LRP12: variants seen among roughly 807,000 people sequenced by gnomAD.
The protein encoded by LRP12 is low-density lipoprotein receptor-related protein 12.
In LRP12, 14 loss-of-function variants were observed where a neutral mutation model predicts 66.0. That is an observed-to-expected ratio of 0.21 (90% CI 0.14 to 0.33). LRP12 has a LOEUF of 0.33. LRP12 is among the 10% of genes least tolerant of loss of function. The pLI is 1.00. For missense variants in LRP12, 889 were observed against 1,053.4 expected (o/e 0.84, Z 2.16); for synonymous variants, 357 against 359.1 (o/e 0.99, Z 0.07).
At chr8:104,515,884 A>G (rs1811066149) in intron 2 of LRP12, among the ~76,000 whole-genome samples, 1 of 152,190 alleles carries the variant, frequency 6.6e-6, no homozygotes, top group South Asian at 2.1e-4. Flanking sequence ...TCCTTAATAC[A>G]TCTCTTAATT....
chr8:104,585,373 G>A (rs1270341255), intron 1 of LRP12, among the ~76,000 whole-genome samples: 1 of 152,128 alleles, frequency 6.6e-6, no homozygotes, highest in Admixed American at 6.5e-5. Context: ...TTACAGGCAT[G>A]TACCAGCACA....
At position 104,531,958 on chromosome 8, in the gene LRP12, C is replaced by T. The variant is rs371535322; in HGVS notation, c.85G>A (p.Gly29Ser). The part of the protein sequence containing the change: ...LLFLAGVYGN[G>S]ALAEHSENVH... ...TTTTCAGAATGTTCTGCAAGAGCAC[C>T]ATTTCCTAAAATTAAACATAATGAA... is the stretch of plus-strand genomic sequence containing the variant. The change falls in exon 2 of 7, where the codon GGT becomes AGT. Residue 29 changes from glycine to serine, a missense_variant. This residue lies in a region of LRP12 where 88 missense variants were observed against 72.5 expected (regional missense o/e 1.21). Transcript: ENST00000276654. 65 of 1,583,116 alleles carry T rather than the reference C, an allele frequency of 4.1e-5. No homozygotes were observed. The highest frequency in any genetic ancestry group is 5.2e-5 in the Non-Finnish European group (61 of 1,166,102).
chr8:104,550,577 C>T (rs1811710769), intron 1 of LRP12, among the ~76,000 whole-genome samples: 1 of 152,164 alleles, frequency 6.6e-6, no homozygotes, highest in African/African-American at 2.4e-5. Context: ...CAGCATCTCC[C>T]AGTTGTTCAA....
intron 1 of LRP12, among the ~76,000 whole-genome samples, chr8:104,538,919 A>G (rs1164766993): frequency 2.6e-5 from 4 of 152,192 alleles, no homozygotes; most frequent in Non-Finnish European, 2.9e-5. Context: ...ATTAGGCTTT[A>G]TAGCTCTAAA....
chr8:104,571,438 C>G (rs747606385), intron 1 of LRP12, among the ~76,000 whole-genome samples: 8 of 152,162 alleles, frequency 5.3e-5, no homozygotes, highest in East Asian at 3.9e-4. Flanking sequence ...GTGGAGGTAA[C>G]TGAATCATGG....
At chr8:104,538,258 C>A (rs1266596462) in intron 1 of LRP12, among the ~76,000 whole-genome samples, 2 of 152,144 alleles carry the variant, frequency 1.3e-5, no homozygotes, top group African/African-American at 4.8e-5. Context: ...CAAATAAAAT[C>A]CAATGCCTTG....
chr8:104,564,569 G>A (rs1811965435), intron 1 of LRP12, among the ~76,000 whole-genome samples: 1 of 151,742 alleles, frequency 6.6e-6, no homozygotes, highest in Non-Finnish European at 1.5e-5. Context: ...GTAATCAGGG[G>A]AGATAAGAAA....
intron 1 of LRP12, among the ~76,000 whole-genome samples, chr8:104,572,310 G>T (rs1465611359): frequency 2.0e-5 from 3 of 152,152 alleles, no homozygotes; most frequent in African/African-American, 7.2e-5. Flanking sequence ...GTGATGAACT[G>T]TTCTACATCC....
chr8:104,560,025 G>A (rs1438911574), intron 1 of LRP12, among the ~76,000 whole-genome samples: 1 of 152,082 alleles, frequency 6.6e-6, no homozygotes, highest in African/African-American at 2.4e-5. Context: ...TCAAGGACAC[G>A]ACTAAGACAT....
At chr8:104,553,488 C>T (rs897070164) in intron 1 of LRP12, among the ~76,000 whole-genome samples, 3 of 152,054 alleles carry the variant, frequency 2.0e-5, no homozygotes, top group South Asian at 2.1e-4. Context: ...ACTTCCCTGG[C>T]GACCTGTATG....
chr8:104,564,091 C>A (rs891310489), intron 1 of LRP12, among the ~76,000 whole-genome samples: 3 of 151,852 alleles, frequency 2.0e-5, no homozygotes, highest in Non-Finnish European at 4.4e-5. Context: ...GTAACTACTT[C>A]AAAATATTTC....
rs115192762 is a variant in LRP12, at chr8:104,490,924, T to G, written c.2329A>C (p.Ile777Leu). 343 of 1,614,134 alleles carry G rather than the reference T, an allele frequency of 2.1e-4. 1 individual carries two copies. The African/African-American group carries it at 3.8e-3, about 18-fold the overall frequency. ...TCTGAAGATCCATCAGAAATTGGAATTAGCATTTCAACATCATCATCATCT... is the reference window on the plus strand; with the variant it reads ...TCTGAAGATCCATCAGAAATTGGAAGTAGCATTTCAACATCATCATCATCT... ...REDDDDVEML[I>L]PISDGSSDFD... The change falls in exon 7 of 7, where the codon ATT becomes CTT. Residue 777 changes from isoleucine (I) to leucine (L), a missense_variant. Physicochemically the swap from Ile to Leu is conservative, Grantham distance 5. This residue lies in a region of LRP12 where 800 missense variants were observed against 964.5 expected (regional missense o/e 0.83). Coordinates refer to ENST00000276654, the MANE Select transcript of LRP12 (RefSeq NM_013437.5).
At chr8:104,549,152 A>G (rs1811687982) in intron 1 of LRP12, among the ~76,000 whole-genome samples, 1 of 152,082 alleles carries the variant, frequency 6.6e-6, no homozygotes, top group Non-Finnish European at 1.5e-5. Flanking sequence ...ATTAAAAAAC[A>G]AAAGCAAAAC....
At position 104,497,618 on chromosome 8, in the gene LRP12, C is replaced by G; in HGVS notation, c.934G>C (p.Gly312Arg). 1 of 1,614,046 alleles carries G rather than the reference C, an allele frequency of 6.2e-7. No individual in the cohort carries two copies. The highest frequency in any genetic ancestry group is 8.5e-7 in the Non-Finnish European group (1 of 1,179,982). ...CCATCATATATTTTGACATAATCACCATAACCAGTACCATCAAGTTTAAAG... is the reference window on the plus strand; with the variant it reads ...CCATCATATATTTTGACATAATCACGATAACCAGTACCATCAAGTTTAAAG... ...TDFKLDGTGYGDYVKIYDGLE... is the reference protein window; with the variant it reads ...TDFKLDGTGYRDYVKIYDGLE... Residue 312 changes from glycine (G) to arginine (R), a missense_variant, in exon 5 of 7, where the codon GGT becomes CGT. By Grantham distance (125) the Gly-to-Arg change is moderately radical (BLOSUM62 -2). Around this residue, in one of 3 missense-constraint regions of LRP12, gnomAD observed 800 missense variants for 964.5 expected, o/e 0.83. Coordinates refer to ENST00000276654, the MANE Select transcript of LRP12 (RefSeq NM_013437.5). The surrounding 1 kb of genome is among the most constrained non-coding windows in gnomAD (Gnocchi z 4.3).
chr8:104,568,167 G>A (rs138098484), intron 1 of LRP12, among the ~76,000 whole-genome samples: 6 of 152,232 alleles, frequency 3.9e-5, no homozygotes, highest in African/African-American at 1.2e-4. Context: ...AGGATTAAAT[G>A]GGAGAAAGAC....
At position 104,588,922 on chromosome 8, in the gene LRP12, G is replaced by A. The variant is rs763436757; in HGVS notation, c.-25C>T. 16 of 1,544,260 alleles carry A rather than the reference G, an allele frequency of 1.0e-5. No homozygotes were observed. The highest frequency in any genetic ancestry group is 7.1e-5 in the East Asian group (3 of 42,260). On this transcript the variant is annotated 5_prime_UTR_variant, in exon 1 of 7. Coordinates refer to ENST00000276654, the MANE Select transcript of LRP12 (RefSeq NM_013437.5). Reference sequence around the variant, plus strand: ...TAACCACAGCAGATGGAGAGAGAGAGGAGGAGACGGAGGAGGAGGGAGGAG... The same window carrying A: ...TAACCACAGCAGATGGAGAGAGAGAAGAGGAGACGGAGGAGGAGGGAGGAG...
intron 2 of LRP12, 69 bp from the exon 3 acceptor site, chr8:104,509,143 T>C: frequency 6.8e-7 from 1 of 1,475,612 alleles, no homozygotes; most frequent in Non-Finnish European, 9.1e-7. Context: ...AATCAGTGTT[T>C]ATTTTTTAAA....
chr8:104,497,734 G>A lies in LRP12; in HGVS notation c.818C>T (p.Pro273Leu), dbSNP rs746937818. The A allele has an allele frequency of 1.2e-6, 2 of 1,613,652 alleles. No individual in the cohort carries two copies. The highest frequency in any genetic ancestry group is 4.5e-5 in the East Asian group (2 of 44,880). ...LKYFYGTFNS[P>L]NYPDFYPPGS... ...AGGAGGATAAAAGTCTGGATAATTG[G>A]GAGAATTAAAAGTACCATAAAAATA... The change falls in exon 5 of 7, where the codon CCC becomes CTC. Residue 273 changes from proline (P) to leucine (L), a missense_variant. This residue lies in a region of LRP12 where 800 missense variants were observed against 964.5 expected (regional missense o/e 0.83). Coordinates refer to ENST00000276654, the MANE Select transcript of LRP12 (RefSeq NM_013437.5). This position sits in a 1 kb window ranked among gnomAD's most constrained non-coding sequence, Gnocchi z 4.3.
At chr8:104,567,875 C>T (rs1010658455) in intron 1 of LRP12, among the ~76,000 whole-genome samples, 1 of 152,052 alleles carries the variant, frequency 6.6e-6, no homozygotes. Flanking sequence ...CCATGCAATC[C>T]CTATCAAAAT....
Sources: allele counts gnomAD v4.1 joint callset (sites outside exome capture counted in the v4.1 genomes callset), GRCh38; gene constraint gnomAD v4.1.1; regional missense constraint gnomAD v4.1.1; non-coding constraint Gnocchi (gnomAD v3.1); transcripts MANE v1.5; gene names NCBI Gene and HGNC (gene_info 2026-07-23, HGNC 2026-07-21).